The following PFKP variants were observed in gnomAD, a reference collection of about 807,000 sequenced individuals.
PFKP encodes phosphofructokinase, platelet, also known as ATP-dependent 6-phosphofructokinase, platelet type.
In PFKP, 101 loss-of-function variants were observed where a neutral mutation model predicts 94.3. The observed-to-expected ratio is 1.07, with a 90% CI of 0.91 to 1.26. The LOEUF (loss-of-function observed/expected upper bound fraction) is 1.26, where lower values mean the gene tolerates loss of function less well. Ranked by LOEUF, PFKP falls within the 50% of genes most tolerant of loss-of-function variation. The pLI is 0.00. For missense variants in PFKP, 1,145 were observed against 1,103.3 expected, an observed-to-expected ratio of 1.04 and a Z score of -0.53; for synonymous variants, 573 against 432.6, an observed-to-expected ratio of 1.32 and a Z score of -4.03.
intron 1 of PFKP, chr10:3,070,413 A>G (rs1001411667): frequency 2.0e-5 from 3 of 152,256 alleles, no homozygotes; most frequent in African/African-American, 4.8e-5. Context: ...GACATAGAAG[A>G]CTATTGCTTG....
chr10:3,079,748 A>T (rs1832900322), intron 1 of PFKP, among the ~76,000 whole-genome samples: 2 of 146,010 alleles, frequency 1.4e-5, no homozygotes, highest in African/African-American at 2.5e-5. Flanking sequence ...TAGTGTTGGC[A>T]CGGGCTGTGT....
rs765711635 is a variant in PFKP, at chr10:3,134,439, G to A, written c.2023-44G>A. 5 of 794,778 alleles carry A rather than the reference G, an allele frequency of 6.3e-6. No individual in the cohort carries two copies. The Middle Eastern group carries it at 1.3e-3, about 205-fold the overall frequency. 49.2% of individuals were successfully genotyped at this position (794,778 alleles called of 1,614,324 possible). A position where few individuals can be genotyped will look rare whatever the true frequency, so the allele number is the denominator to read the frequency against. On this transcript the variant is annotated intron_variant, in intron 19 of 21. Transcript: ENST00000381125. ...TGTCATTTCTATTTAACAGCAAAGT[G>A]TTACTGTATAACTGGTATTTCATAT...
rs7893663 is a variant in PFKP at position 3,115,285 on chromosome 10, G to C, written c.1372-1491G>C. Reference sequence around the variant, plus strand: ...GGGGTGAAAGTGTGTGTCCCACGGCGGAGGACAGGACTGGGGATGCTGGGG... The same window carrying C: ...GGGGTGAAAGTGTGTGTCCCACGGCCGAGGACAGGACTGGGGATGCTGGGG... On this transcript the variant is annotated intron_variant, in intron 13 of 21. Transcript: ENST00000381125. 2.1e-4 allele frequency among the ~76,000 whole-genome samples: 31 copies of C among 144,804 alleles called. 2 individuals are homozygous for C. The highest frequency in any genetic ancestry group is 5.1e-4 in the African/African-American group (20 of 39,008). 95.0% of individuals were successfully genotyped at this position (144,804 alleles called of 152,430 possible).
chr10:3,105,790 T>A (rs923894537), intron 7 of PFKP, among the ~76,000 whole-genome samples: 16 of 152,206 alleles, frequency 1.1e-4, no homozygotes, highest in Non-Finnish European at 1.9e-4. Context: ...CAGGCACTGT[T>A]GGCTCCAGGC....
Position 3,094,835 on chromosome 10 carries a change from G to C in PFKP, c.187-4440G>C, listed in dbSNP as rs891911561. Among the ~76,000 whole-genome samples, 4 of 152,314 alleles carry C rather than the reference G, an allele frequency of 2.6e-5. No individual in the cohort carries two copies. In the East Asian group the frequency reaches 7.7e-4, roughly 29 times the overall value. ...AAGGAATGTTGTAGCTTTAGGTTCT[G>C]TGGGGGAGGGAAAAGGATTAAACTA... On this transcript the variant is annotated intron_variant, in intron 2 of 21. Coordinates refer to ENST00000381125, the MANE Select transcript of PFKP (RefSeq NM_002627.5).
intron 19 of PFKP, among the ~76,000 whole-genome samples, chr10:3,133,892 A>T (rs1478517704): frequency 1.3e-5 from 2 of 152,230 alleles, no homozygotes; most frequent in Admixed American, 6.5e-5. Context: ...CACTTCATCA[A>T]GTTAAAAACT....
chr10:3,121,432 G>A (rs539668481), intron 16 of PFKP, among the ~76,000 whole-genome samples: 1 of 152,294 alleles, frequency 6.6e-6, no homozygotes, highest in South Asian at 2.1e-4. Flanking sequence ...TGAAAGTTGG[G>A]TGTGCAATGG....
chr10:3,094,617 T>C (rs956237753), intron 2 of PFKP, among the ~76,000 whole-genome samples: 4 of 152,126 alleles, frequency 2.6e-5, no homozygotes, highest in Admixed American at 6.5e-5. Flanking sequence ...GCCTCTGAAT[T>C]TCCTAGAGAC....
intron 2 of PFKP, among the ~76,000 whole-genome samples, chr10:3,089,109 T>C (rs1833852215): frequency 6.6e-6 from 1 of 152,130 alleles, no homozygotes; most frequent in African/African-American, 2.4e-5. Context: ...ATTTTTTTAT[T>C]TTTAGTAGAG....
intron 7 of PFKP, among the ~76,000 whole-genome samples, chr10:3,106,609 A>G (rs113432925): frequency 0.21 from 4,364 of 20,348 alleles, 346 homozygotes; most frequent in East Asian, 0.42. Context: ...CCCTCTCCTC[A>G]CCCCTGCCAC....
At chr10:3,122,517 C>T (rs1203700758) in intron 16 of PFKP, among the ~76,000 whole-genome samples, 3 of 152,212 alleles carry the variant, frequency 2.0e-5, no homozygotes, top group East Asian at 1.9e-4. Context: ...GAACTGGGCT[C>T]GTCTGGCCAT....
chr10:3,082,836 T>C (rs919807839), intron 2 of PFKP, among the ~76,000 whole-genome samples: 2 of 152,204 alleles, frequency 1.3e-5, no homozygotes, highest in African/African-American at 4.8e-5. Context: ...CTCAGTCTCA[T>C]GAGTAGATGG....
chr10:3,094,180 C>G (rs952197633), intron 2 of PFKP, among the ~76,000 whole-genome samples: 4 of 152,184 alleles, frequency 2.6e-5, no homozygotes, highest in Non-Finnish European at 5.9e-5. Flanking sequence ...CACTGCCAGG[C>G]CAGTGCTTGG....
chr10:3,079,666 G>GT (rs1832885922), intron 1 of PFKP, among the ~76,000 whole-genome samples: 2 of 122,102 alleles, frequency 1.6e-5, no homozygotes, highest in African/African-American at 2.7e-5. Context: ...GCGGGGTGGG[G>GT]GGGGGGGGAA....
At chr10:3,094,035 C>T (rs1834288707) in intron 2 of PFKP, among the ~76,000 whole-genome samples, 1 of 152,206 alleles carries the variant, frequency 6.6e-6, no homozygotes, top group African/African-American at 2.4e-5. Context: ...ACCATTTACA[C>T]CATTGCCTGT....
chr10:3,087,592 C>T (rs1379158811), intron 2 of PFKP, among the ~76,000 whole-genome samples: 1 of 152,176 alleles, frequency 6.6e-6, no homozygotes, highest in African/African-American at 2.4e-5. Context: ...TAGTAAGTGG[C>T]ACCTTCGAAG....
chr10:3,109,833 C>CGAGA (rs113099164), intron 10 of PFKP, among the ~76,000 whole-genome samples: 1 of 151,382 alleles, frequency 6.6e-6, no homozygotes, highest in Non-Finnish European at 1.5e-5. Context: ...GGGAGGCAGC[C>CGAGA]GAGAGAGAGA....
At position 3,087,580 on chromosome 10, in the gene PFKP, T is replaced by C. The variant is rs114499634; in HGVS notation, c.186+5119T>C. On this transcript the variant is annotated intron_variant, in intron 2 of 21. Coordinates refer to ENST00000381125, the MANE Select transcript of PFKP (RefSeq NM_002627.5). ...GAATTCTAATTTTTATGATAACTTT[T>C]ATAGTAAGTGGCACCTTCGAAGCTG... 3.9e-3 allele frequency among the ~76,000 whole-genome samples: 600 copies of C among 152,312 alleles called. 4 individuals are homozygous for C. The highest frequency in any genetic ancestry group is 0.014 in the African/African-American group (575 of 41,558).
chr10:3,067,564 C>T lies in PFKP; in HGVS notation c.-32C>T, dbSNP rs1035528659. The T allele has an allele frequency of 1.6e-6, 2 of 1,221,744 alleles. No individual in the cohort carries two copies. Among genetic ancestry groups the T allele is most frequent in the Non-Finnish European group, 2.3e-6 (2 of 869,638 alleles). The allele number at this position is 1,221,744 out of a possible 1,614,324, so 75.7% of individuals were successfully genotyped here. A position where few individuals can be genotyped will look rare whatever the true frequency, so the allele number is the denominator to read the frequency against. On this transcript the variant is annotated 5_prime_UTR_variant, in exon 1 of 22. Transcript: ENST00000381125. ...AGGGTCCCCATTGCCTGCTGCGCAC[C>T]CGGACGTGCGGCTCCCCTCGGCCTC... is the stretch of plus-strand genomic sequence containing the variant.
Sources: gnomAD v4.1 joint callset for allele counts (sites outside exome capture counted in the v4.1 genomes callset) on GRCh38, gnomAD v4.1.1 for gene constraint, MANE v1.5 for transcripts, NCBI Gene and HGNC (gene_info 2026-07-23, HGNC 2026-07-21) for gene names.